BRD3: variants seen among roughly 807,000 people sequenced by gnomAD.
BRD3 encodes the protein bromodomain-containing protein 3.
Under a neutral mutation model 66.8 loss-of-function variants are expected in BRD3, and 17 were observed. The ratio of observed to expected loss-of-function variants is 0.25; its 90% CI spans 0.17 to 0.38. The LOEUF is 0.38. Ranked by LOEUF, BRD3 falls within the 10% of genes least tolerant of loss-of-function variation. The pLI is 1.00. For missense variants in BRD3, 713 were observed against 956.1 expected (o/e 0.75, Z 3.35); for synonymous variants, 421 against 393.2 (o/e 1.07, Z -0.84).
chr9:134,068,321 C>T (rs952525998), upstream of BRD3: 2 of 149,444 alleles, frequency 1.3e-5, no homozygotes, highest in Non-Finnish European at 3.0e-5. Context: ...GCACGGCTCT[C>T]CTCACCCCGT....
chr9:134,033,546 C>A lies in BRD3; in HGVS notation c.*44G>T, dbSNP rs547796842. On this transcript the variant is annotated 3_prime_UTR_variant, in exon 12 of 12. Transcript: ENST00000303407. The surrounding 1 kb of genome is among the most constrained non-coding windows in gnomAD (Gnocchi z 5.1). Reference sequence around the variant, plus strand: ...ACCACAGAGGGGTACGGCAGAGTCTCGGCGTGTGCGACATCCATCTGTCCT... The same window carrying A: ...ACCACAGAGGGGTACGGCAGAGTCTAGGCGTGTGCGACATCCATCTGTCCT... The A allele has an allele frequency of 1.6e-5, 11 of 708,872 alleles. No individual in the cohort carries two copies. The East Asian group carries it at 2.7e-4, about 17-fold the overall frequency. The allele number at this position is 708,872 out of a possible 1,614,324, so 43.9% of individuals were successfully genotyped here.
chr9:134,037,779 C>G (rs1363764732), intron 9 of BRD3, among the ~76,000 whole-genome samples: 1 of 151,950 alleles, frequency 6.6e-6, no homozygotes, highest in Non-Finnish European at 1.5e-5. Context: ...ATGTCTCTAT[C>G]CAGATTCACC....
intron 1 of BRD3, among the ~76,000 whole-genome samples, chr9:134,064,788 G>A (rs1036997163): frequency 1.3e-5 from 2 of 152,206 alleles, no homozygotes; most frequent in African/African-American, 4.8e-5. Context: ...CCCGGGCACA[G>A]GGGCCCATGA....
chr9:134,031,826 C>A lies in BRD3; in HGVS notation c.*1764G>T, dbSNP rs1843515796. The stretch of plus-strand genomic sequence containing the variant: ...GGCCACCATACAGGACAGACCACAC[C>A]ACAGCTCCATACCCAGCGTCTGCCT... On this transcript the variant is annotated 3_prime_UTR_variant, in exon 12 of 12. Transcript: ENST00000303407. The A allele has an allele frequency of 9.0e-6, 2 of 221,380 alleles. No homozygotes were observed. Among genetic ancestry groups the A allele is most frequent in the South Asian group, 3.7e-4 (2 of 5,446 alleles). 13.7% of individuals were successfully genotyped at this position (221,380 alleles called of 1,614,324 possible). A position where few individuals can be genotyped will look rare whatever the true frequency, so the allele number is the denominator to read the frequency against.
rs759208772 is a variant in BRD3, at chr9:134,050,595, G to A, written c.500-7C>T. On this transcript the variant is annotated splice_region_variant and splice_polypyrimidine_tract_variant and intron_variant, in intron 4 of 11. Transcript: ENST00000303407. ...GCCGCCACTTGCTGTGTACCTTCAA[G>A]ACAAGGAAGGGATGTTCAACACACC... 1.2e-6 allele frequency: 2 copies of A among 1,602,606 alleles called. No homozygotes were observed. Among genetic ancestry groups the A allele is most frequent in the African/African-American group, 1.3e-5 (1 of 74,962 alleles).
chr9:134,053,688 T>C (rs1588293573), intron 1 of BRD3, 98 bp from the exon 2 acceptor site: 2 of 1,122,460 alleles, frequency 1.8e-6, no homozygotes, highest in Non-Finnish European at 1.2e-6. Flanking sequence ...CTGTCGGGCC[T>C]CAGCAGGGCC....
At chr9:134,051,871 G>GTTTTTTTTTTTTTTTTTTTTTTTTTTT (rs1564555774) in intron 3 of BRD3, among the ~76,000 whole-genome samples, 162 bp from the exon 4 acceptor site, 1 of 110,506 alleles carries the variant, frequency 9.0e-6, no homozygotes, top group African/African-American at 4.3e-5. Context: ...GTGTGTGTGT[G>GTTTTTTTTTTTTTTTTTTTTTTTTTTT]TGTGTGTTGT....
At position 134,045,195 on chromosome 9, in the gene BRD3, C is replaced by T. The variant is rs1041241425; in HGVS notation, c.1215+98G>A. On this transcript the variant is annotated intron_variant, in intron 7 of 11. Transcript: ENST00000303407. This position sits in a 1 kb window ranked among gnomAD's most constrained non-coding sequence, Gnocchi z 4.8. ...GGGAATGAGGCTCTCTAAGGCCTTC[C>T]TCGGCTGGACATTCACCTGGGCGCT... is the stretch of plus-strand genomic sequence containing the variant. 4 of 1,514,932 alleles carry T rather than the reference C, an allele frequency of 2.6e-6. No individual in the cohort carries two copies. Among genetic ancestry groups the T allele is most frequent in the Non-Finnish European group, 3.6e-6 (4 of 1,118,022 alleles). The allele number at this position is 1,514,932 out of a possible 1,614,324, so 93.8% of individuals were successfully genotyped here.
intron 6 of BRD3, among the ~76,000 whole-genome samples, chr9:134,047,336 A>G (rs1830193013): frequency 6.6e-6 from 1 of 150,904 alleles, no homozygotes; most frequent in Non-Finnish European, 1.5e-5. Context: ...AACTGCCTGC[A>G]CGTCCCTGGG....
chr9:134,043,418 T>C (rs1830103224), intron 7 of BRD3, among the ~76,000 whole-genome samples: 1 of 152,170 alleles, frequency 6.6e-6, no homozygotes, highest in Non-Finnish European at 1.5e-5. Context: ...GAGATTTCTT[T>C]TTGCCAAGCT....
rs754769412 is a variant in BRD3, at chr9:134,036,154, G to A, written c.1814C>T (p.Ser605Leu). ...VVHIIQSREP[S>L]LRDSNPDEIE... ...CTCGTCGGGGTTGGAGTCCCTGAGC[G>A]AGGGCTCCCGAGATTGGATGATGTG... The change falls in exon 10 of 12, where the codon TCG becomes TTG. Residue 605 changes from serine (S) to leucine (L), a missense_variant. Physicochemically the swap from Ser to Leu is moderately radical, Grantham distance 145. Around this residue, in one of 5 missense-constraint regions of BRD3, gnomAD observed 418 missense variants for 609.3 expected, o/e 0.69. Transcript: ENST00000303407. The A allele has an allele frequency of 1.9e-6, 3 of 1,614,088 alleles. No homozygotes were observed. Among genetic ancestry groups the A allele is most frequent in the African/African-American group, 1.3e-5 (1 of 74,932 alleles).
intron 5 of BRD3, among the ~76,000 whole-genome samples, chr9:134,049,834 G>A (rs1226853657): frequency 6.6e-6 from 1 of 152,204 alleles, no homozygotes; most frequent in Non-Finnish European, 1.5e-5. Context: ...AGACTCACCA[G>A]GCCTCGCCAG....
intron 9 of BRD3, 85 bp downstream of exon 9, chr9:134,039,949 C>A: frequency 6.7e-7 from 1 of 1,500,566 alleles, no homozygotes. Flanking sequence ...GGCACAAAGC[C>A]CCCAATCCCA....
Position 134,036,306 on chromosome 9 carries a change from G to A in BRD3, c.1662C>T (p.Gly554=), listed in dbSNP as rs1474971143. 1.2e-6 allele frequency: 2 copies of A among 1,605,486 alleles called. No homozygotes were observed. Among genetic ancestry groups the A allele is most frequent in the Non-Finnish European group, 1.7e-6 (2 of 1,175,336 alleles). The change falls in exon 10 of 12, where the codon GGC becomes GGT. Residue 554 remains glycine, a synonymous_variant. Coordinates refer to ENST00000303407, the MANE Select transcript of BRD3 (RefSeq NM_007371.4). The part of the protein sequence containing the change: ...TTAGRQLKKG[G]KQASASYDSE... ...AGTCGTAGGAGGCAGATGCCTGCTT[G>A]CCGCCTTTCTTCAGCTGTCTGGGGC...
In BRD3 at chr9:134,042,086, G is replaced by A. The variant is rs933411908; in HGVS notation, c.1216-135C>T. 4 of 1,039,402 alleles carry A rather than the reference G, an allele frequency of 3.8e-6. No individual in the cohort carries two copies. The African/African-American group carries it at 5.0e-5, about 13-fold the overall frequency. 64.4% of individuals were successfully genotyped at this position (1,039,402 alleles called of 1,614,324 possible). The stretch of plus-strand genomic sequence containing the variant: ...ACGAAGGTGGGGCTAGGAGGAGACA[G>A]GGTCCCGCCTGCCTGGGGGGCTGTG... On this transcript the variant is annotated intron_variant, in intron 7 of 11. Transcript: ENST00000303407.
At chr9:134,062,851 G>C (rs558177486) in intron 1 of BRD3, among the ~76,000 whole-genome samples, 1 of 152,224 alleles carries the variant, frequency 6.6e-6, no homozygotes, top group Admixed American at 6.5e-5. Context: ...CTCTTCAGAG[G>C]GGCAGTGAGT....
chr9:134,064,577 T>G (rs1197673041), intron 1 of BRD3, among the ~76,000 whole-genome samples: 1 of 152,000 alleles, frequency 6.6e-6, no homozygotes, highest in East Asian at 1.9e-4. Context: ...CTCAAGCATC[T>G]TGGCCGAGCA....
chr9:134,051,603 T>C lies in BRD3; in HGVS notation c.458A>G (p.Lys153Arg). Reference sequence around the variant, plus strand: ...CGCAGCCGGCTTCCGACCTTTGCCCTTTGGAGCAGGGGGTAATAATTCAAC... The same window carrying C: ...CGCAGCCGGCTTCCGACCTTTGCCCCTTGGAGCAGGGGGTAATAATTCAAC... ...EEVELLPPAP[K>R]GKGRKPAAGA... is the part of the protein sequence containing the mutation. The change falls in exon 4 of 12, where the codon AAG becomes AGG. Residue 153 changes from lysine to arginine, a missense_variant. Lys to Arg is a conservative substitution (Grantham distance 26, BLOSUM62 2). This residue lies in a region of BRD3 where 120 missense variants were observed against 122.8 expected (regional missense o/e 0.98). Coordinates refer to ENST00000303407, the MANE Select transcript of BRD3 (RefSeq NM_007371.4). 6.3e-7 allele frequency: 1 copy of C among 1,575,012 alleles called. No individual in the cohort carries two copies.
At chr9:134,047,093 G>C (rs1003146004) in intron 6 of BRD3, among the ~76,000 whole-genome samples, 1 of 152,230 alleles carries the variant, frequency 6.6e-6, no homozygotes, top group Non-Finnish European at 1.5e-5. Context: ...GGCCCCGCTC[G>C]TCACTTTCAC....
Sources: gnomAD v4.1 joint callset for allele counts (sites outside exome capture counted in the v4.1 genomes callset) on GRCh38, gnomAD v4.1.1 for gene constraint, gnomAD v4.1.1 regional missense constraint, Gnocchi (gnomAD v3.1) non-coding constraint, MANE v1.5 for transcripts, NCBI Gene and HGNC (gene_info 2026-07-23, HGNC 2026-07-21) for gene names.